The following IPO5 variants were observed in gnomAD, a reference collection of about 807,000 sequenced individuals.
The protein encoded by IPO5 is importin-5.
In IPO5, 18 loss-of-function variants were observed where a neutral mutation model predicts 143.3. The ratio of observed to expected loss-of-function variants is 0.13; its 90% confidence interval spans 0.09 to 0.19. IPO5 has a LOEUF of 0.19. Among genes scored for constraint, IPO5 ranks in the 10% least tolerant of loss-of-function variants. The pLI, the probability that IPO5 is intolerant of heterozygous loss-of-function variation, is 1.00. For missense variants in IPO5, 1,013 were observed against 1,336.9 expected (o/e 0.76, Z 3.78); for synonymous variants, 477 against 465.7 (o/e 1.02, Z -0.31).
At chr13:98,021,154 T>A in intron 28 of IPO5, 21 bp downstream of exon 28, 5 of 1,581,386 alleles carry the variant, frequency 3.2e-6, no homozygotes, top group Non-Finnish European at 3.4e-6. Context: ...TTGGTTGAAT[T>A]GGGGAGGGGG....
intron 21 of IPO5, 41 bp from the exon 22 acceptor site, chr13:98,014,001 A>G (rs779512917): frequency 2.6e-6 from 4 of 1,566,916 alleles, no homozygotes; most frequent in Non-Finnish European, 3.5e-6. Context: ...ACATTTAAGC[A>G]AAATAATAAA....
rs531940815 is a variant in IPO5, at chr13:98,009,766, A to G, written c.1801-115A>G. ...ACCTTTAGAAATGCTCTTACTGCTTAAAGTACTGTGAACATATCAATAAAA... is the reference window on the plus strand; with the variant it reads ...ACCTTTAGAAATGCTCTTACTGCTTGAAGTACTGTGAACATATCAATAAAA... On this transcript the variant is annotated intron_variant, in intron 18 of 28. Transcript: ENST00000651721. The G allele has an allele frequency of 1.9e-5, 15 of 782,148 alleles. No individual in the cohort carries two copies. In the East Asian group the frequency reaches 3.5e-4, roughly 18 times the overall value. 48.5% of individuals were successfully genotyped at this position (782,148 alleles called of 1,614,324 possible). A position where few individuals can be genotyped will look rare whatever the true frequency, so the allele number is the denominator to read the frequency against.
intron 2 of IPO5, among the ~76,000 whole-genome samples, chr13:97,963,927 T>G (rs1253507596): frequency 1.3e-5 from 2 of 152,222 alleles, no homozygotes; most frequent in African/African-American, 4.8e-5. Flanking sequence ...TGGTTTTGAT[T>G]TGCATTTCTC....
At chr13:97,983,014 G>A (rs537573245) in intron 5 of IPO5, among the ~76,000 whole-genome samples, 2 of 152,278 alleles carry the variant, frequency 1.3e-5, no homozygotes, top group South Asian at 4.2e-4. Context: ...GGGATTACAG[G>A]CGTGCGCCAC....
rs758101000 is a variant in IPO5 at position 98,006,217 on chromosome 13, C to T, written c.1585C>T (p.Pro529Ser). The change falls in exon 17 of 29, where the codon CCC becomes TCC. Residue 529 changes from proline (P) to serine (S), a missense_variant. Around this residue, in one of 2 missense-constraint regions of IPO5, gnomAD observed 685 missense variants for 994.9 expected, o/e 0.69. Transcript: ENST00000651721. ...VADTAEEKFV[P>S]YYDLFMPSLK... ...CGATACTGCAGAAGAAAAATTTGTC[C>T]CCTACTATGATTTATTTATGCCATC... 1 of 1,613,426 alleles carries T rather than the reference C, an allele frequency of 6.2e-7. No individual in the cohort carries two copies. The highest frequency in any genetic ancestry group is 1.3e-5 in the African/African-American group (1 of 74,856).
chr13:98,012,332 T>C lies in IPO5; in HGVS notation c.2142T>C (p.Tyr714=). 1.3e-6 allele frequency: 2 copies of C among 1,583,390 alleles called. No individual in the cohort carries two copies. Among genetic ancestry groups the C allele is most frequent in the Non-Finnish European group, 1.7e-6 (2 of 1,152,002 alleles). The change falls in exon 21 of 29, where the codon TAT becomes TAC. Residue 714 remains tyrosine, a synonymous_variant. Coordinates refer to ENST00000651721, the MANE Select transcript of IPO5 (RefSeq NM_002271.6). Reference sequence around the variant, plus strand: ...TGATGGTCCCTTTACTGAAATTTTATTTCCACGATGATATCCTACAACTTC... The same window carrying C: ...TGATGGTCCCTTTACTGAAATTTTACTTCCACGATGATATCCTACAACTTC... ...VKLMVPLLKF[Y]FHDGVRVAAA... is the part of the protein sequence containing the mutation.
intron 2 of IPO5, among the ~76,000 whole-genome samples, chr13:97,968,272 T>C (rs1885521642): frequency 6.6e-6 from 1 of 152,226 alleles, no homozygotes; most frequent in African/African-American, 2.4e-5. Flanking sequence ...TCCTTTAAAA[T>C]TGACTGAAGC....
In IPO5 at chr13:98,023,525, T is replaced by C; in HGVS notation, c.*1703T>C. 6.6e-6 allele frequency: 1 copy of C among 152,292 alleles called. No individual in the cohort carries two copies. 9.4% of individuals were successfully genotyped at this position (152,292 alleles called of 1,614,324 possible). A position where few individuals can be genotyped will look rare whatever the true frequency, so the allele number is the denominator to read the frequency against. On this transcript the variant is annotated 3_prime_UTR_variant, in exon 29 of 29. Transcript: ENST00000651721. The stretch of plus-strand genomic sequence containing the variant: ...CTTGCAGAAAAGAAACATGTTAAAA[T>C]CATGGCACACCTGCAGAATTTCAGA...
Position 98,022,259 on chromosome 13 carries a change from C to T in IPO5, c.*437C>T, listed in dbSNP as rs1313480413. 2 of 152,660 alleles carry T rather than the reference C, an allele frequency of 1.3e-5. No homozygotes were observed. Among genetic ancestry groups the T allele is most frequent in the Non-Finnish European group, 2.9e-5 (2 of 68,416 alleles). The allele number at this position is 152,660 out of a possible 1,614,324, so 9.5% of individuals were successfully genotyped here. A position where few individuals can be genotyped will look rare whatever the true frequency, so the allele number is the denominator to read the frequency against. ...GTCTTTCTGTAGGGTAGAAAGAAGC[C>T]TCCTACCCAGCAAACCAGTAGACCC... On this transcript the variant is annotated 3_prime_UTR_variant, in exon 29 of 29. Transcript: ENST00000651721.
In IPO5 at chr13:98,011,687, A is replaced by G. The variant is rs185028130; in HGVS notation, c.2056-559A>G. Among the ~76,000 whole-genome samples, 1,484 of 152,060 alleles carry G rather than the reference A, an allele frequency of 9.8e-3. 26 individuals carry two copies. The highest frequency in any genetic ancestry group is 0.034 in the African/African-American group (1,409 of 41,458). On this transcript the variant is annotated intron_variant, in intron 20 of 28. Coordinates refer to ENST00000651721, the MANE Select transcript of IPO5 (RefSeq NM_002271.6). ...ATGCCTGGCTAATTTTTGTATTTTT[A>G]GTAGAGACGGGGTTTCACTGTGTTG...
intron 21 of IPO5, among the ~76,000 whole-genome samples, 196 bp downstream of exon 21, chr13:98,012,538 G>T (rs1304210958): frequency 6.6e-6 from 1 of 152,148 alleles, no homozygotes; most frequent in Non-Finnish European, 1.5e-5. Context: ...AAAAGAAAAC[G>T]TGACCTATCC....
At chr13:97,984,558 A>G (rs1448910028) in intron 5 of IPO5, among the ~76,000 whole-genome samples, 1 of 152,102 alleles carries the variant, frequency 6.6e-6, no homozygotes, top group African/African-American at 2.4e-5. Flanking sequence ...TCTTTCTAGA[A>G]CATGTTAAAT....
rs1594110305 is a variant in IPO5, at chr13:98,006,231, A to G, written c.1599A>G (p.Leu533=). Reference sequence around the variant, plus strand: ...AAAAATTTGTCCCCTACTATGATTTATTTATGCCATCACTGAAGCACATCG... The same window carrying G: ...AAAAATTTGTCCCCTACTATGATTTGTTTATGCCATCACTGAAGCACATCG... The part of the protein sequence containing the change: ...AEEKFVPYYD[L]FMPSLKHIVE... Residue 533 remains leucine, a synonymous_variant, in exon 17 of 29, where the codon TTA becomes TTG. Transcript: ENST00000651721. The G allele has an allele frequency of 1.2e-6, 2 of 1,613,696 alleles. No homozygotes were observed. Among genetic ancestry groups the G allele is most frequent in the South Asian group, 2.2e-5 (2 of 91,068 alleles).
chr13:98,015,826 T>A (rs777991653), intron 24 of IPO5, 45 bp downstream of exon 24: 1 of 1,264,234 alleles, frequency 7.9e-7, no homozygotes, highest in Non-Finnish European at 1.1e-6. Flanking sequence ...CACTTGCATC[T>A]GAAAGACTTG....
chr13:97,995,137 A>C (rs1429831681), intron 11 of IPO5, among the ~76,000 whole-genome samples: 9 of 151,638 alleles, frequency 5.9e-5, no homozygotes, highest in Non-Finnish European at 1.3e-4. Context: ...AAAAAAAAAA[A>C]AAAAGTTTCT....
rs769782112 is a variant in IPO5, at chr13:97,982,594, A to C, written c.171+11A>C. 6.7e-7 allele frequency: 1 copy of C among 1,490,618 alleles called. No homozygotes were observed. Among genetic ancestry groups the C allele is most frequent in the South Asian group, 1.1e-5 (1 of 87,346 alleles). 92.3% of individuals were successfully genotyped at this position (1,490,618 alleles called of 1,614,324 possible). A position where few individuals can be genotyped will look rare whatever the true frequency, so the allele number is the denominator to read the frequency against. ...ACAGCTGCTGAAGAGGTACTACCTT[A>C]ATATTTGTGACTATTACATTCTTAG... On this transcript the variant is annotated intron_variant, in intron 5 of 28. Coordinates refer to ENST00000651721, the MANE Select transcript of IPO5 (RefSeq NM_002271.6).
rs1487391718 is a variant in IPO5 at position 98,023,726 on chromosome 13, G to A, written c.*1904G>A. 2 of 152,134 alleles carry A rather than the reference G, an allele frequency of 1.3e-5. No individual in the cohort carries two copies. The highest frequency in any genetic ancestry group is 2.9e-5 in the Non-Finnish European group (2 of 68,026). The allele number at this position is 152,134 out of a possible 1,614,324, so 9.4% of individuals were successfully genotyped here. A position where few individuals can be genotyped will look rare whatever the true frequency, so the allele number is the denominator to read the frequency against. Reference sequence around the variant, plus strand: ...GGGTTCTAAGAGCTCTGAAAGAAGCGCTCTGTTAGATGCAGACTGGCAGCA... The same window carrying A: ...GGGTTCTAAGAGCTCTGAAAGAAGCACTCTGTTAGATGCAGACTGGCAGCA... On this transcript the variant is annotated 3_prime_UTR_variant, in exon 29 of 29. Coordinates refer to ENST00000651721, the MANE Select transcript of IPO5 (RefSeq NM_002271.6).
Position 98,018,724 on chromosome 13 carries a change from T to C in IPO5, c.2836+20T>C, listed in dbSNP as rs373052641. 7 of 1,564,424 alleles carry C rather than the reference T, an allele frequency of 4.5e-6. No homozygotes were observed. Among genetic ancestry groups the C allele is most frequent in the Non-Finnish European group, 5.3e-6 (6 of 1,135,282 alleles). ...GTACAGGTACGTTTGCTTATTCCGT[T>C]ACGTGCATTTCATTCCAGACATCCT... On this transcript the variant is annotated intron_variant, in intron 26 of 28. Coordinates refer to ENST00000651721, the MANE Select transcript of IPO5 (RefSeq NM_002271.6).
chr13:97,986,337 G>A (rs558060207), intron 6 of IPO5, among the ~76,000 whole-genome samples: 14 of 151,946 alleles, frequency 9.2e-5, no homozygotes, highest in Non-Finnish European at 1.3e-4. Context: ...ATACTGTTAC[G>A]TAGCTATACT....
Sources: allele counts gnomAD v4.1 joint callset (sites outside exome capture counted in the v4.1 genomes callset), GRCh38; gene constraint gnomAD v4.1.1; regional missense constraint gnomAD v4.1.1; transcripts MANE v1.5; gene names NCBI Gene and HGNC (gene_info 2026-07-23, HGNC 2026-07-21).